The following SPAG16 variants were observed in gnomAD, a reference collection of about 807,000 sequenced individuals.
SPAG16 encodes the protein sperm-associated antigen 16 protein.
In SPAG16, 86 loss-of-function variants were observed where a neutral mutation model predicts 80.4. The ratio of observed to expected loss-of-function variants is 1.07; its 90% CI spans 0.90 to 1.28. The LOEUF (loss-of-function observed/expected upper bound fraction) is 1.28. SPAG16 is among the 50% of genes most tolerant of loss of function. SPAG16 has a pLI of 0.00. For synonymous variants in SPAG16, 294 were observed against 265.9 expected (o/e 1.11, Z -1.03); for missense variants, 870 against 765.3 (o/e 1.14, Z -1.61).
chr2:214,067,633 T>G (rs1416895445), intron 13 of SPAG16, among the ~76,000 whole-genome samples: 1 of 150,662 alleles, frequency 6.6e-6, no homozygotes. Flanking sequence ...TATGTCTTTC[T>G]GAAAAAAAAA....
intron 13 of SPAG16, among the ~76,000 whole-genome samples, chr2:214,079,725 T>C (rs2051269404): frequency 6.6e-6 from 1 of 152,188 alleles, no homozygotes; most frequent in African/African-American, 2.4e-5. Flanking sequence ...TTTTATTAAT[T>C]GCCTTATTTT....
intron 15 of SPAG16, among the ~76,000 whole-genome samples, chr2:214,268,020 A>T (rs756647896): frequency 2.0e-5 from 3 of 151,978 alleles, no homozygotes; most frequent in Non-Finnish European, 2.9e-5. Flanking sequence ...AAAGGACTCA[A>T]ATGGACATTT....
At chr2:213,924,331 C>A (rs1022918480) in intron 11 of SPAG16, among the ~76,000 whole-genome samples, 1 of 152,200 alleles carries the variant, frequency 6.6e-6, no homozygotes. Flanking sequence ...TTGTACAGGT[C>A]TCTGCAGAGA....
intron 12 of SPAG16, among the ~76,000 whole-genome samples, chr2:213,949,179 T>TTTTTTTTTTTTTTTTTTGTTTTG (rs1553677674): frequency 8.3e-5 from 3 of 36,262 alleles, no homozygotes; most frequent in Non-Finnish European, 1.6e-4. Flanking sequence ...GTTTTTTTTT[T>TTTTTTTTTTTTTTTTTTGTTTTG]TTTTTTTTTT....
chr2:213,351,491 C>T (rs912959096), intron 7 of SPAG16, among the ~76,000 whole-genome samples: 2 of 151,982 alleles, frequency 1.3e-5, no homozygotes, highest in Admixed American at 6.6e-5. Flanking sequence ...TAGGCTTAGG[C>T]CTAGGGTAGT....
intron 10 of SPAG16, among the ~76,000 whole-genome samples, chr2:213,685,131 C>A (rs2064600133): frequency 6.6e-6 from 1 of 152,168 alleles, no homozygotes; most frequent in Admixed American, 6.5e-5. Context: ...AGGAGTGTAA[C>A]AAACACAGGG....
At chr2:213,828,697 G>A (rs12477207) in intron 10 of SPAG16, among the ~76,000 whole-genome samples, 37,492 of 152,130 alleles carry the variant, frequency 0.25, 5,214 homozygotes, top group South Asian at 0.39. Context: ...AAGAGGCTTT[G>A]GTGTTTTGGT....
At chr2:213,855,107 C>G (rs2075088690) in intron 10 of SPAG16, among the ~76,000 whole-genome samples, 2 of 152,188 alleles carry the variant, frequency 1.3e-5, no homozygotes, top group African/African-American at 4.8e-5. Context: ...CATCCCACCA[C>G]CACCCTGAAT....
chr2:213,364,605 T>C (rs151096076), intron 8 of SPAG16: 2,147 of 152,504 alleles, frequency 0.014, 19 homozygotes, highest in Non-Finnish European at 0.022. Flanking sequence ...ATCCTGATAA[T>C]TGGAAATGTC....
chr2:213,356,848 T>C (rs947587957), intron 7 of SPAG16, among the ~76,000 whole-genome samples: 1 of 152,134 alleles, frequency 6.6e-6, no homozygotes, highest in African/African-American at 2.4e-5. Flanking sequence ...GTTAGGGTGT[T>C]GATTTTAGAT....
At chr2:214,374,130 T>C (rs1699985167) in intron 15 of SPAG16, among the ~76,000 whole-genome samples, 1 of 152,200 alleles carries the variant, frequency 6.6e-6, no homozygotes, top group African/African-American at 2.4e-5. Context: ...AGAACCTACC[T>C]TGAGTTATAG....
intron 12 of SPAG16, among the ~76,000 whole-genome samples, chr2:213,950,733 C>T (rs556660459): frequency 1.0e-4 from 12 of 118,176 alleles, no homozygotes; most frequent in East Asian, 5.8e-4. Context: ...TCCCTCAAGA[C>T]GGTCTTGCTC....
At chr2:214,226,925 TCAGA>T in intron 15 of SPAG16, among the ~76,000 whole-genome samples, 1 of 151,986 alleles carries the variant, frequency 6.6e-6, no homozygotes, top group Non-Finnish European at 1.5e-5. Flanking sequence ...TTTATTGACA[TCAGA>T]CAACAGCTAA....
chr2:213,464,970 G>T (rs573201612), intron 9 of SPAG16, among the ~76,000 whole-genome samples: 10 of 152,290 alleles, frequency 6.6e-5, no homozygotes, highest in Admixed American at 6.5e-4. Context: ...TCCCAGATTA[G>T]AGGGGCCTCA....
At chr2:213,673,023 A>G (rs1461364006) in intron 10 of SPAG16, among the ~76,000 whole-genome samples, 1 of 151,956 alleles carries the variant, frequency 6.6e-6, no homozygotes, top group Non-Finnish European at 1.5e-5. Flanking sequence ...TCTTTCTTGA[A>G]TTTCAGGATG....
At chr2:213,702,384 G>T (rs1375989300) in intron 10 of SPAG16, among the ~76,000 whole-genome samples, 2 of 152,178 alleles carry the variant, frequency 1.3e-5, no homozygotes. Context: ...TGCTGCTGCT[G>T]TTTGGGTCCA....
At position 213,977,035 on chromosome 2, in the gene SPAG16, A is replaced by T. The variant is rs540816119; in HGVS notation, c.1401-36916A>T. Among the ~76,000 whole-genome samples, 4 of 152,018 alleles carry T rather than the reference A, an allele frequency of 2.6e-5. No individual in the cohort carries two copies. The South Asian group carries it at 8.3e-4, about 31-fold the overall frequency. ...GTGGTTACAGTAGCAATGGAAATTG[A>T]ATACCATAGCATATACTTACTCTCA... On this transcript the variant is annotated intron_variant, in intron 12 of 15. Coordinates refer to ENST00000331683, the MANE Select transcript of SPAG16 (RefSeq NM_024532.5).
At chr2:213,734,465 T>G (rs893096718) in intron 10 of SPAG16, among the ~76,000 whole-genome samples, 6 of 152,202 alleles carry the variant, frequency 3.9e-5, no homozygotes, top group African/African-American at 1.2e-4. Flanking sequence ...CAAAATAAGA[T>G]AAAACTTTTA....
At chr2:213,793,487 A>G (rs1213829002) in intron 10 of SPAG16, among the ~76,000 whole-genome samples, 5 of 152,164 alleles carry the variant, frequency 3.3e-5, no homozygotes, top group Non-Finnish European at 5.9e-5. Flanking sequence ...GTTTCTGCAC[A>G]TACAAGTTAC....
Sources: allele counts gnomAD v4.1 joint callset (sites outside exome capture counted in the v4.1 genomes callset), GRCh38; gene constraint gnomAD v4.1.1; transcripts MANE v1.5; gene names NCBI Gene and HGNC (gene_info 2026-07-23, HGNC 2026-07-21).